FYCO1: variants seen among roughly 807,000 people sequenced by gnomAD.
FYCO1 encodes FYVE and coiled-coil domain autophagy adaptor 1.
In FYCO1, 122 loss-of-function variants were observed where a neutral mutation model predicts 165.1. The observed-to-expected ratio is 0.74, with a 90% CI of 0.64 to 0.86. FYCO1 has a LOEUF of 0.86. Ranked by LOEUF, FYCO1 falls within the 40% of genes least tolerant of loss-of-function variation. FYCO1 has a pLI of 0.00. For synonymous variants in FYCO1, 648 were observed against 742.5 expected (o/e 0.87, Z 2.07); for missense variants, 1,702 against 1,810.3 (o/e 0.94, Z 1.09).
rs886058562 is a variant in FYCO1, at chr3:45,921,145, C to T, written c.*620G>A. 3 of 169,322 alleles carry T rather than the reference C, an allele frequency of 1.8e-5. No homozygotes were observed. Among genetic ancestry groups the T allele is most frequent in the Non-Finnish European group, 2.6e-5 (2 of 76,772 alleles). The allele number at this position is 169,322 out of a possible 1,614,324, so 10.5% of individuals were successfully genotyped here. A position where few individuals can be genotyped will look rare whatever the true frequency, so the allele number is the denominator to read the frequency against. ...GAAAGAGAGTGCAGCTTAGAGGCCC[C>T]TCCAACACTGCTGAGTTCTGGAGCA... is the stretch of plus-strand genomic sequence containing the variant. On this transcript the variant is annotated 3_prime_UTR_variant, in exon 18 of 18. Coordinates refer to ENST00000296137, the MANE Select transcript of FYCO1 (RefSeq NM_024513.4).
chr3:45,995,301 C>T (rs1198917961), intron 1 of FYCO1, among the ~76,000 whole-genome samples: 1 of 152,254 alleles, frequency 6.6e-6, no homozygotes, highest in East Asian at 1.9e-4. Flanking sequence ...AAGGTCTGGG[C>T]TGTCCCGGCC....
intron 16 of FYCO1, among the ~76,000 whole-genome samples, chr3:45,928,571 G>A (rs1407086854): frequency 1.3e-5 from 2 of 152,198 alleles, no homozygotes; most frequent in Non-Finnish European, 2.9e-5. Context: ...TCTGACAGGT[G>A]CCCCTAGAAA....
chr3:45,974,171 G>A (rs1257484342), intron 5 of FYCO1, among the ~76,000 whole-genome samples: 1 of 152,134 alleles, frequency 6.6e-6, no homozygotes, highest in African/African-American at 2.4e-5. Context: ...TTGAGCCCAG[G>A]AATTTGAGGC....
chr3:45,947,847 G>C (rs765322154), intron 14 of FYCO1: 2 of 278,206 alleles, frequency 7.2e-6, no homozygotes, highest in Non-Finnish European at 1.4e-5. Context: ...AGGTGAGCAC[G>C]GCCAACAAAG....
At chr3:45,940,562 C>T (rs890024935) in intron 14 of FYCO1, among the ~76,000 whole-genome samples, 5 of 152,144 alleles carry the variant, frequency 3.3e-5, no homozygotes, top group Admixed American at 6.5e-5. Flanking sequence ...AGGGAAGAGT[C>T]GGGGGAGAAG....
chr3:45,932,893 T>G (rs1433209478), intron 15 of FYCO1, among the ~76,000 whole-genome samples: 1 of 152,228 alleles, frequency 6.6e-6, no homozygotes, highest in Non-Finnish European at 1.5e-5. Flanking sequence ...CAGACATCTT[T>G]CTTGTAATGT....
Position 45,966,931 on chromosome 3 carries a change from T to G in FYCO1, c.2403A>C (p.Ala801=). ...QVVDLQAKMR[A]ALDDQDKVQS... is the part of the protein sequence containing the mutation. ...GCACCTTGTCCTGGTCATCCAGGGC[T>G]GCCCGCATCTTGGCCTGGAGGTCCA... Residue 801 remains alanine, a synonymous_variant, in exon 8 of 18, where the codon GCA becomes GCC. Coordinates refer to ENST00000296137, the MANE Select transcript of FYCO1 (RefSeq NM_024513.4). The G allele has an allele frequency of 6.2e-7, 1 of 1,613,800 alleles. No individual in the cohort carries two copies. The highest frequency in any genetic ancestry group is 8.5e-7 in the Non-Finnish European group (1 of 1,180,024).
intron 16 of FYCO1, among the ~76,000 whole-genome samples, chr3:45,929,070 C>T (rs1283753389): frequency 6.6e-6 from 1 of 152,216 alleles, no homozygotes; most frequent in Non-Finnish European, 1.5e-5. Context: ...CTCGGGGAGT[C>T]CCCGGGATAG....
intron 17 of FYCO1, among the ~76,000 whole-genome samples, chr3:45,922,348 C>T (rs888734704): frequency 4.6e-5 from 7 of 152,230 alleles, no homozygotes; most frequent in Non-Finnish European, 1.0e-4. Context: ...GGAGCCTGCT[C>T]GGGCTTGGGA....
At chr3:45,991,432 G>T (rs922196581) in intron 1 of FYCO1, among the ~76,000 whole-genome samples, 3 of 152,114 alleles carry the variant, frequency 2.0e-5, no homozygotes, top group African/African-American at 7.2e-5. Flanking sequence ...ACCTCGATAG[G>T]GATAGGCCCA....
intron 4 of FYCO1, among the ~76,000 whole-genome samples, chr3:45,976,038 C>A (rs1056888015): frequency 1.3e-5 from 2 of 152,188 alleles, no homozygotes; most frequent in African/African-American, 4.8e-5. Flanking sequence ...CAAATCACTA[C>A]ATTGAATCAG....
At chr3:45,923,602 A>G (rs1703187858) in intron 17 of FYCO1, 54 bp downstream of exon 17, 16 of 1,061,428 alleles carry the variant, frequency 1.5e-5, no homozygotes, top group Middle Eastern at 2.0e-4. Context: ...TGCTCTTTAG[A>G]AGAGGTGAAA....
Position 45,923,439 on chromosome 3 carries a change from C to T in FYCO1, c.4361+217G>A, listed in dbSNP as rs180701998. Among the ~76,000 whole-genome samples the T allele has an allele frequency of 1.6e-4, 25 of 152,324 alleles. 1 individual carries two copies. Among genetic ancestry groups the T allele is most frequent in the African/African-American group, 6.0e-4 (25 of 41,570 alleles). On this transcript the variant is annotated intron_variant, in intron 17 of 17. Transcript: ENST00000296137. ...TGACTTAGGAGTGTCACTCCTCTAC[C>T]CCTCAGCAGTGACATGGTAAGACTC...
At chr3:45,975,471 C>T (rs575360767) in intron 4 of FYCO1, 126 bp from the exon 5 acceptor site, 37 of 717,976 alleles carry the variant, frequency 5.2e-5, no homozygotes, top group African/African-American at 2.8e-4. Context: ...TTACCCTATA[C>T]GTTGTCCTTC....
intron 14 of FYCO1, among the ~76,000 whole-genome samples, chr3:45,937,123 T>TA (rs1419346434): frequency 6.6e-6 from 1 of 152,124 alleles, no homozygotes; most frequent in Non-Finnish European, 1.5e-5. Context: ...GACTGCAACT[T>TA]AGTGTTTTCC....
At chr3:45,953,392 T>G (rs558142914) in intron 14 of FYCO1, among the ~76,000 whole-genome samples, 154 of 152,344 alleles carry the variant, frequency 1.0e-3, no homozygotes, top group Middle Eastern at 3.4e-3. Context: ...AGTGCTTTTT[T>G]GTAAACTGCT....
intron 3 of FYCO1, 57 bp downstream of exon 3, chr3:45,981,513 C>T: frequency 9.0e-7 from 1 of 1,109,058 alleles, no homozygotes. Context: ...ATGAGTCACC[C>T]AAGAGGGAGA....
chr3:45,949,923 A>C (rs908734722), intron 14 of FYCO1, among the ~76,000 whole-genome samples: 4 of 152,176 alleles, frequency 2.6e-5, no homozygotes, highest in African/African-American at 9.7e-5. Flanking sequence ...ATGTCAGTTT[A>C]CCAACCCCTT....
At chr3:45,927,630 T>C (rs1023809390) in intron 16 of FYCO1, among the ~76,000 whole-genome samples, 6 of 152,230 alleles carry the variant, frequency 3.9e-5, no homozygotes, top group Non-Finnish European at 2.9e-5. Context: ...CTGCCTCTTC[T>C]GCACACGGCG....
Sources: gnomAD v4.1 joint callset for allele counts (sites outside exome capture counted in the v4.1 genomes callset) on GRCh38, gnomAD v4.1.1 for gene constraint, MANE v1.5 for transcripts, NCBI Gene and HGNC (gene_info 2026-07-23, HGNC 2026-07-21) for gene names.